Variants in FAT3 observed in about 807,000 individuals in gnomAD.
FAT3 encodes FAT atypical cadherin 3.
A neutral mutation model predicts 310.2 loss-of-function variants in FAT3; 95 were observed. The observed-to-expected ratio is 0.31, with a 90% confidence interval of 0.26 to 0.36. The LOEUF is 0.36. Among genes scored for constraint, FAT3 ranks in the 10% least tolerant of loss-of-function variants. The pLI is 1.00. For missense variants in FAT3, 5,408 were observed against 5,715.6 expected (o/e 0.95, Z 1.74); for synonymous variants, 2,314 against 2,192.9 (o/e 1.06, Z -1.54).
intron 3 of FAT3, among the ~76,000 whole-genome samples, chr11:92,677,078 A>C (rs1943309808): frequency 6.6e-6 from 1 of 152,246 alleles, no homozygotes; most frequent in Non-Finnish European, 1.5e-5. Flanking sequence ...TCCCTGTTAC[A>C]GGCGAGATAC....
At chr11:92,274,972 G>A (rs1464185109) in intron 1 of FAT3, among the ~76,000 whole-genome samples, 1 of 152,100 alleles carries the variant, frequency 6.6e-6, no homozygotes, top group Non-Finnish European at 1.5e-5. Flanking sequence ...TCTAAAAGGT[G>A]GCCCTATTTG....
intron 2 of FAT3, among the ~76,000 whole-genome samples, chr11:92,362,516 T>C (rs1948907632): frequency 1.3e-5 from 2 of 152,142 alleles, no homozygotes; most frequent in Non-Finnish European, 2.9e-5. Flanking sequence ...GGTCAGGATA[T>C]TCATCCCTTT....
At chr11:92,259,282 C>T (rs899194481) in intron 1 of FAT3, among the ~76,000 whole-genome samples, 1 of 152,036 alleles carries the variant, frequency 6.6e-6, no homozygotes, top group African/African-American at 2.4e-5. Context: ...TATGAACTTT[C>T]TCCTGCTGCA....
At chr11:92,630,897 A>T (rs2135701664) in intron 3 of FAT3, among the ~76,000 whole-genome samples, 1 of 152,312 alleles carries the variant, frequency 6.6e-6, no homozygotes, top group African/African-American at 2.4e-5. Flanking sequence ...GTAGGTGATC[A>T]ATAGAGTTAG....
chr11:92,305,645 A>G (rs7945932), intron 1 of FAT3, among the ~76,000 whole-genome samples: 2,474 of 152,290 alleles, frequency 0.016, 69 homozygotes, highest in African/African-American at 0.055. Flanking sequence ...TACAGGTGAA[A>G]GAACATCACT....
Position 92,890,847 on chromosome 11 carries a change from G to A in FAT3, c.13504G>A (p.Glu4502Lys), listed in dbSNP as rs753317758. Residue 4502 changes from glutamate to lysine, a missense_variant, in exon 28 of 28, where the codon GAA (glutamate) becomes AAA (lysine). By Grantham distance (56) the Glu-to-Lys change is moderately conservative. Transcript: ENST00000525166. ...QYLPPHPFPNETDLVGPPASC... is the reference protein window; with the variant it reads ...QYLPPHPFPNKTDLVGPPASC... ...TCTCCCTCCTCACCCATTCCCCAACGAAACGGATTTGGTGGGCCCGCCTGC... is the reference window on the plus strand; with the variant it reads ...TCTCCCTCCTCACCCATTCCCCAACAAAACGGATTTGGTGGGCCCGCCTGC... The A allele has an allele frequency of 1.6e-5, 26 of 1,612,630 alleles. No individual in the cohort carries two copies. Among genetic ancestry groups the A allele is most frequent in the East Asian group, 1.1e-4 (5 of 44,776 alleles).
chr11:92,883,893 G>A lies in FAT3; in HGVS notation c.12937+500G>A, dbSNP rs1949736964. 6.6e-6 allele frequency among the ~76,000 whole-genome samples: 1 copy of A among 152,188 alleles called. No homozygotes were observed. Among genetic ancestry groups the A allele is most frequent in the Admixed American group, 6.5e-5 (1 of 15,284 alleles). ...AGAATGAAGACTTGAGAGAAGCAGA[G>A]GGACACTTCAATTGGACCATGATGA... On this transcript the variant is annotated intron_variant, in intron 24 of 27. Coordinates refer to ENST00000525166, the MANE Select transcript of FAT3 (RefSeq NM_001367949.2). The surrounding 1 kb of genome is among the most constrained non-coding windows in gnomAD (Gnocchi z 4.2).
intron 3 of FAT3, among the ~76,000 whole-genome samples, chr11:92,617,247 C>T (rs915494621): frequency 6.6e-6 from 1 of 151,984 alleles, no homozygotes; most frequent in Admixed American, 6.6e-5. Flanking sequence ...TCACTGATAC[C>T]CTTTCTTCCA....
rs774400034 is a variant in FAT3, at chr11:92,844,440, G to A, written c.11073G>A (p.Gln3691=). Residue 3691 remains glutamine, a synonymous_variant, in exon 19 of 28, where the codon CAG becomes CAA. Transcript: ENST00000525166. The part of the protein sequence containing the change: ...KQDSLRIISI[Q]PVAGTNQLDM... The stretch of plus-strand genomic sequence containing the variant: ...ACAGCCTGCGCATCATCAGCATCCA[G>A]CCCGTGGCAGGCACCAACCAACTGG... The A allele has an allele frequency of 6.2e-7, 1 of 1,613,982 alleles. No homozygotes were observed. Among genetic ancestry groups the A allele is most frequent in the Non-Finnish European group, 8.5e-7 (1 of 1,179,888 alleles).
rs192455612 is a variant in FAT3 at position 92,353,646 on chromosome 11, G to A, written c.1534G>A (p.Ala512Thr). Reference protein sequence around the residue: ...GENGYITYSIASLNLLPFVIN... With the variant: ...GENGYITYSITSLNLLPFVIN... The stretch of plus-strand genomic sequence containing the variant: ...AAATGGGTACATCACCTATAGTATC[G>A]CTAGCCTGAATTTGTTACCATTTGT... The change falls in exon 2 of 28, where the codon GCT (alanine) becomes ACT (threonine). Residue 512 changes from alanine (A) to threonine (T), a missense_variant. Ala to Thr is a moderately conservative substitution (Grantham distance 58). Around this residue, in one of 5 missense-constraint regions of FAT3, gnomAD observed 4,588 missense variants for 4,809.8 expected, o/e 0.95. Transcript: ENST00000525166. The A allele has an allele frequency of 1.7e-5, 28 of 1,613,838 alleles. No homozygotes were observed. Among genetic ancestry groups the A allele is most frequent in the East Asian group, 4.5e-5 (2 of 44,872 alleles).
intron 2 of FAT3, among the ~76,000 whole-genome samples, chr11:92,499,713 A>AT (rs1555067126): frequency 1.7e-5 from 2 of 119,310 alleles, no homozygotes; most frequent in Non-Finnish European, 3.5e-5. Flanking sequence ...GTGTGTGTGT[A>AT]TGTGTGTGTA....
chr11:92,308,463 G>T (rs1947197454), intron 1 of FAT3, among the ~76,000 whole-genome samples: 1 of 152,052 alleles, frequency 6.6e-6, no homozygotes, highest in African/African-American at 2.4e-5. Context: ...ATTGTGAAAT[G>T]AAATCAAAAC....
intron 4 of FAT3, among the ~76,000 whole-genome samples, chr11:92,755,795 C>G (rs1302297620): frequency 6.6e-6 from 1 of 152,026 alleles, no homozygotes; most frequent in African/African-American, 2.4e-5. Flanking sequence ...ATTGCAGGTC[C>G]CAGATATTAC....
chr11:92,261,251 C>T (rs1473942097), intron 1 of FAT3, among the ~76,000 whole-genome samples: 1 of 152,038 alleles, frequency 6.6e-6, no homozygotes, highest in Non-Finnish European at 1.5e-5. Flanking sequence ...ATCTACTGAG[C>T]TTACATCATT....
At chr11:92,714,815 A>G (rs1944626514) in intron 4 of FAT3, among the ~76,000 whole-genome samples, 1 of 152,140 alleles carries the variant, frequency 6.6e-6, no homozygotes, top group Non-Finnish European at 1.5e-5. Flanking sequence ...AGCATCTAAT[A>G]AGCACCCTGG....
chr11:92,392,394 G>A (rs544689962), intron 2 of FAT3, among the ~76,000 whole-genome samples: 1 of 152,146 alleles, frequency 6.6e-6, no homozygotes, highest in Non-Finnish European at 1.5e-5. Context: ...AAGGTTTGGG[G>A]CATTTGGTGA....
At chr11:92,741,034 C>A (rs1945492246) in intron 4 of FAT3, among the ~76,000 whole-genome samples, 1 of 152,008 alleles carries the variant, frequency 6.6e-6, no homozygotes, top group Non-Finnish European at 1.5e-5. Flanking sequence ...TCAGAGAACT[C>A]AGAAAGATAT....
intron 2 of FAT3, among the ~76,000 whole-genome samples, chr11:92,410,969 G>T (rs191695419): frequency 8.7e-5 from 13 of 150,184 alleles, no homozygotes; most frequent in African/African-American, 3.2e-4. Flanking sequence ...GTTGGTTTAT[G>T]GGACAACTTC....
chr11:92,805,264 C>T lies in FAT3; in HGVS notation c.9008C>T (p.Thr3003Ile), dbSNP rs1255459838. The change falls in exon 11 of 28, where the codon ACT (threonine) becomes ATT (isoleucine). Residue 3003 changes from threonine to isoleucine, a missense_variant. By Grantham distance (89) the Thr-to-Ile change is moderately conservative (BLOSUM62 -1). Coordinates refer to ENST00000525166, the MANE Select transcript of FAT3 (RefSeq NM_001367949.2). ...EEQDIYFLNI[T>I]ATDGLFVTQA... ...CAGGACATTTACTTTCTCAATATCA[C>T]TGCCACTGATGGGCTTTTTGTCACA... The T allele has an allele frequency of 6.2e-7, 1 of 1,613,890 alleles. No homozygotes were observed. The highest frequency in any genetic ancestry group is 1.6e-4 in the Middle Eastern group (1 of 6,062).
Sources: allele counts gnomAD v4.1 joint callset (sites outside exome capture counted in the v4.1 genomes callset), GRCh38; gene constraint gnomAD v4.1.1; regional missense constraint gnomAD v4.1.1; non-coding constraint Gnocchi (gnomAD v3.1); transcripts MANE v1.5; gene names NCBI Gene and HGNC (gene_info 2026-07-23, HGNC 2026-07-21).